KIRREL3: variants seen among roughly 807,000 people sequenced by gnomAD.
KIRREL3 encodes the protein kin of IRRE-like protein 3.
KIRREL3 carries 36 observed loss-of-function variants against 89.7 expected under a neutral mutation model. The observed-to-expected ratio is 0.40, with a 90% confidence interval of 0.31 to 0.53. The LOEUF (loss-of-function observed/expected upper bound fraction) is 0.53, where lower values mean the gene tolerates loss of function less well. Among genes scored for constraint, KIRREL3 ranks in the 20% least tolerant of loss-of-function variants. The pLI, the probability that KIRREL3 is intolerant of heterozygous loss-of-function variation, is 0.49. For missense variants in KIRREL3, 864 were observed against 1,056.6 expected (o/e 0.82, Z 2.53); for synonymous variants, 445 against 441.4 (o/e 1.01, Z -0.10).
rs1944723673 is a variant in KIRREL3, at chr11:126,647,210, G to T, written c.56-84298C>A. 6.6e-6 allele frequency among the ~76,000 whole-genome samples: 1 copy of T among 152,158 alleles called. No individual in the cohort carries two copies. Among genetic ancestry groups the T allele is most frequent in the Non-Finnish European group, 1.5e-5 (1 of 68,028 alleles). ...AGCCCAGGCTCACCCCTGCTACTCT[G>T]CCAGGAGCTATAGAAAGAAAAATCT... is the stretch of plus-strand genomic sequence containing the variant. On this transcript the variant is annotated intron_variant, in intron 1 of 16. Coordinates refer to ENST00000525144, the MANE Select transcript of KIRREL3 (RefSeq NM_032531.4). This position sits in a 1 kb window ranked among gnomAD's most constrained non-coding sequence, Gnocchi z 4.9.
chr11:126,712,329 T>C (rs1446267939), intron 1 of KIRREL3, among the ~76,000 whole-genome samples: 2 of 152,018 alleles, frequency 1.3e-5, no homozygotes, highest in Admixed American at 1.3e-4. Context: ...TCCTCACTTA[T>C]CAAAGCAATT....
Position 126,647,022 on chromosome 11 carries a change from C to T in KIRREL3, c.56-84110G>A, listed in dbSNP as rs1944716623. On this transcript the variant is annotated intron_variant, in intron 1 of 16. Transcript: ENST00000525144. The surrounding 1 kb of genome is among the most constrained non-coding windows in gnomAD (Gnocchi z 4.9). ...CAATGGTATAAACTGAATTTTTATT[C>T]CTACAGCAATTTAGTAATGATGATG... Among the ~76,000 whole-genome samples, 1 of 152,080 alleles carries T rather than the reference C, an allele frequency of 6.6e-6. No individual in the cohort carries two copies. The highest frequency in any genetic ancestry group is 2.4e-5 in the African/African-American group (1 of 41,392).
rs189616979 is a variant in KIRREL3 at position 126,782,704 on chromosome 11, A to C, written c.55+217751T>G. 6.6e-6 allele frequency among the ~76,000 whole-genome samples: 1 copy of C among 152,336 alleles called. No individual in the cohort carries two copies. The highest frequency in any genetic ancestry group is 2.4e-5 in the African/African-American group (1 of 41,568). On this transcript the variant is annotated intron_variant, in intron 1 of 16. Coordinates refer to ENST00000525144, the MANE Select transcript of KIRREL3 (RefSeq NM_032531.4). The surrounding 1 kb of genome is among the most constrained non-coding windows in gnomAD (Gnocchi z 4.1). ...AATGATCCAGATCCACGTGGTAATGAATTAGTGTTGGAGACATCAGTATGA... is the reference window on the plus strand; with the variant it reads ...AATGATCCAGATCCACGTGGTAATGCATTAGTGTTGGAGACATCAGTATGA...
In KIRREL3 at chr11:126,627,672, C is replaced by A. The variant is rs181403998; in HGVS notation, c.56-64760G>T. On this transcript the variant is annotated intron_variant, in intron 1 of 16. Coordinates refer to ENST00000525144, the MANE Select transcript of KIRREL3 (RefSeq NM_032531.4). The surrounding 1 kb of genome is among the most constrained non-coding windows in gnomAD (Gnocchi z 5.0). ...TCAAGCAGCTGTCACTGGGACCCTGCGTGGGGCCTGCTGCCTCATTAGCTC... is the reference window on the plus strand; with the variant it reads ...TCAAGCAGCTGTCACTGGGACCCTGAGTGGGGCCTGCTGCCTCATTAGCTC... 3.9e-5 allele frequency among the ~76,000 whole-genome samples: 6 copies of A among 152,200 alleles called. No individual in the cohort carries two copies. The highest frequency in any genetic ancestry group is 8.8e-5 in the Non-Finnish European group (6 of 68,040).
chr11:126,680,415 T>TATATATACAC (rs551073557), intron 1 of KIRREL3, among the ~76,000 whole-genome samples: 91 of 151,592 alleles, frequency 6.0e-4, no homozygotes, highest in African/African-American at 2.1e-3. Flanking sequence ...TATATATATA[T>TATATATACAC]ACACATAGCC....
At chr11:126,470,478 G>A (rs1956856071) in intron 5 of KIRREL3, among the ~76,000 whole-genome samples, 1 of 152,156 alleles carries the variant, frequency 6.6e-6, no homozygotes, top group African/African-American at 2.4e-5. Flanking sequence ...TTCTTTGATC[G>A]GCAGCCCTGG....
chr11:126,651,237 A>G lies in KIRREL3; in HGVS notation c.56-88325T>C, dbSNP rs745934492. Among the ~76,000 whole-genome samples, 2 of 152,238 alleles carry G rather than the reference A, an allele frequency of 1.3e-5. No individual in the cohort carries two copies. Among genetic ancestry groups the G allele is most frequent in the Non-Finnish European group, 2.9e-5 (2 of 68,044 alleles). On this transcript the variant is annotated intron_variant, in intron 1 of 16. Transcript: ENST00000525144. The surrounding 1 kb of genome is among the most constrained non-coding windows in gnomAD (Gnocchi z 4.6). ...TATAGGATTTCTCAGCTAGACTAAG[A>G]AAGTCTTTTGGGAATTGGTGGGATG... is the stretch of plus-strand genomic sequence containing the variant.
Position 126,443,247 on chromosome 11 carries a change from C to A in KIRREL3, c.1252+1732G>T, listed in dbSNP as rs749991291. Among the ~76,000 whole-genome samples the A allele has an allele frequency of 6.6e-6, 1 of 152,150 alleles. No individual in the cohort carries two copies. On this transcript the variant is annotated intron_variant, in intron 10 of 16. Transcript: ENST00000525144. The surrounding 1 kb of genome is among the most constrained non-coding windows in gnomAD (Gnocchi z 7.3). Reference sequence around the variant, plus strand: ...GGTCATAGGGCCAGCAGAGCAGAGCCGGCTGCAGGCACAGACAGCCTGACT... The same window carrying A: ...GGTCATAGGGCCAGCAGAGCAGAGCAGGCTGCAGGCACAGACAGCCTGACT...
chr11:126,536,712 C>T lies in KIRREL3; in HGVS notation c.134-10025G>A, dbSNP rs966011874. Among the ~76,000 whole-genome samples the T allele has an allele frequency of 5.1e-5, 7 of 137,026 alleles. No individual in the cohort carries two copies. The East Asian group carries it at 6.5e-4, about 13-fold the overall frequency. The allele number at this position is 137,026 out of a possible 152,430, so 89.9% of individuals were successfully genotyped here. On this transcript the variant is annotated intron_variant, in intron 2 of 16. Transcript: ENST00000525144. ...AGGCTAAAGTGCAGTGGTGCGATCT[C>T]GGCTTCAGCGCAACCTCCGCCTCTT...
Position 126,525,457 on chromosome 11 carries a change from G to A in KIRREL3, c.283+1081C>T, listed in dbSNP as rs151210265. On this transcript the variant is annotated intron_variant, in intron 3 of 16. Coordinates refer to ENST00000525144, the MANE Select transcript of KIRREL3 (RefSeq NM_032531.4). This position sits in a 1 kb window ranked among gnomAD's most constrained non-coding sequence, Gnocchi z 5.4. ...TTTCCATGCTCAGCTGGGCTGCAGCGTTCAAACCTCGTGCCTGCTATTGAC... is the reference window on the plus strand; with the variant it reads ...TTTCCATGCTCAGCTGGGCTGCAGCATTCAAACCTCGTGCCTGCTATTGAC... Among the ~76,000 whole-genome samples the A allele has an allele frequency of 4.9e-3, 745 of 152,294 alleles. 8 individuals are homozygous for A. The highest frequency in any genetic ancestry group is 0.016 in the African/African-American group (657 of 41,558).
chr11:126,503,961 A>T lies in KIRREL3; in HGVS notation c.433+17354T>A, dbSNP rs548723701. ...GAAATAAATGCTTGTTGTTTAAGCC[A>T]CCCAGTCTATAGTATTTGTTATAGC... On this transcript the variant is annotated intron_variant, in intron 4 of 16. Transcript: ENST00000525144. 1.2e-4 allele frequency among the ~76,000 whole-genome samples: 19 copies of T among 152,170 alleles called. No homozygotes were observed. The East Asian group carries it at 3.7e-3, about 29-fold the overall frequency.
In KIRREL3 at chr11:126,562,580, G is replaced by T. The variant is rs545522384; in HGVS notation, c.133+255C>A. Among the ~76,000 whole-genome samples the T allele has an allele frequency of 1.3e-5, 2 of 152,238 alleles. No individual in the cohort carries two copies. Among genetic ancestry groups the T allele is most frequent in the Admixed American group, 1.3e-4 (2 of 15,300 alleles). Reference sequence around the variant, plus strand: ...AAATGGTAGGGAAGAGAGAGGAAGAGAAGTAGGAGACACAAAGGGAGAAGG... The same window carrying T: ...AAATGGTAGGGAAGAGAGAGGAAGATAAGTAGGAGACACAAAGGGAGAAGG... On this transcript the variant is annotated intron_variant, in intron 2 of 16. Transcript: ENST00000525144. The surrounding 1 kb of genome is among the most constrained non-coding windows in gnomAD (Gnocchi z 4.7).
chr11:126,661,849 C>T (rs1233696727), intron 1 of KIRREL3, among the ~76,000 whole-genome samples: 3 of 152,092 alleles, frequency 2.0e-5, no homozygotes, highest in African/African-American at 4.8e-5. Context: ...TGAGACAGCC[C>T]GAGCTAAAGC....
At chr11:126,749,307 G>T (rs913809752) in intron 1 of KIRREL3, among the ~76,000 whole-genome samples, 6 of 152,146 alleles carry the variant, frequency 3.9e-5, no homozygotes, top group African/African-American at 1.4e-4. Context: ...CTCCCGATAC[G>T]ACTTATCTGC....
rs1948887118 is a variant in KIRREL3, at chr11:126,955,198, T to G, written c.55+45257A>C. Among the ~76,000 whole-genome samples, 1 of 152,162 alleles carries G rather than the reference T, an allele frequency of 6.6e-6. No homozygotes were observed. Among genetic ancestry groups the G allele is most frequent in the Non-Finnish European group, 1.5e-5 (1 of 68,026 alleles). ...GGAAGGGGCCAACAGGGTAACGTGG[T>G]AATGAAGGAGATGGCAAAGTGAAAA... is the stretch of plus-strand genomic sequence containing the variant. On this transcript the variant is annotated intron_variant, in intron 1 of 16. Transcript: ENST00000525144. This position sits in a 1 kb window ranked among gnomAD's most constrained non-coding sequence, Gnocchi z 4.6.
chr11:126,782,296 TTTG>T lies in KIRREL3; in HGVS notation c.55+218156_55+218158del, dbSNP rs1744755207. Among the ~76,000 whole-genome samples, 1 of 152,206 alleles carries T rather than the reference TTTG, an allele frequency of 6.6e-6. No homozygotes were observed. Among genetic ancestry groups the T allele is most frequent in the Admixed American group, 6.5e-5 (1 of 15,280 alleles). ...ATCTGATAGGAATAAGGAATAATGC[TTTG>T]TTGTGCTAAGCTGAGATTTTTTGAT... On this transcript the variant is annotated intron_variant, in intron 1 of 16. Transcript: ENST00000525144. The surrounding 1 kb of genome is among the most constrained non-coding windows in gnomAD (Gnocchi z 4.1).
At position 126,443,420 on chromosome 11, in the gene KIRREL3, T is replaced by A. The variant is rs1403394106; in HGVS notation, c.1252+1559A>T. On this transcript the variant is annotated intron_variant, in intron 10 of 16. Coordinates refer to ENST00000525144, the MANE Select transcript of KIRREL3 (RefSeq NM_032531.4). The surrounding 1 kb of genome is among the most constrained non-coding windows in gnomAD (Gnocchi z 7.3). Reference sequence around the variant, plus strand: ...GATATACGGAGGCGCGATCAGATGCTGTTATTTTTAGCCCTGCAGTGCCAA... The same window carrying A: ...GATATACGGAGGCGCGATCAGATGCAGTTATTTTTAGCCCTGCAGTGCCAA... 6.6e-6 allele frequency among the ~76,000 whole-genome samples: 1 copy of A among 152,158 alleles called. No homozygotes were observed. Among genetic ancestry groups the A allele is most frequent in the African/African-American group, 2.4e-5 (1 of 41,448 alleles).
In KIRREL3 at chr11:126,739,803, G is replaced by A. The variant is rs1176107285; in HGVS notation, c.56-176891C>T. On this transcript the variant is annotated intron_variant, in intron 1 of 16. Transcript: ENST00000525144. This position sits in a 1 kb window ranked among gnomAD's most constrained non-coding sequence, Gnocchi z 5.5. ...ATGTATCAGAGTTTAAAAACCTCAGGGAGTTTTGGGCCAGCAAATAAAATG... is the reference window on the plus strand; with the variant it reads ...ATGTATCAGAGTTTAAAAACCTCAGAGAGTTTTGGGCCAGCAAATAAAATG... 6.6e-6 allele frequency among the ~76,000 whole-genome samples: 1 copy of A among 152,184 alleles called. No homozygotes were observed. The highest frequency in any genetic ancestry group is 2.4e-5 in the African/African-American group (1 of 41,442).
intron 1 of KIRREL3, among the ~76,000 whole-genome samples, chr11:126,789,178 G>A (rs753697283): frequency 3.3e-5 from 5 of 152,266 alleles, no homozygotes; most frequent in South Asian, 2.1e-4. Context: ...CAGTTGGCAC[G>A]TAATGCAGGT....
Sources: gnomAD v4.1 joint callset for allele counts (sites outside exome capture counted in the v4.1 genomes callset) on GRCh38, gnomAD v4.1.1 for gene constraint, Gnocchi (gnomAD v3.1) non-coding constraint, MANE v1.5 for transcripts, NCBI Gene and HGNC (gene_info 2026-07-23, HGNC 2026-07-21) for gene names.